LRIF1: variants seen among roughly 807,000 people sequenced by gnomAD.
The protein encoded by LRIF1 is ligand-dependent nuclear receptor-interacting factor 1.
LRIF1 carries 32 observed loss-of-function variants against 52.7 expected under a neutral mutation model. The ratio of observed to expected loss-of-function variants is 0.61; its 90% CI spans 0.46 to 0.82. The LOEUF (loss-of-function observed/expected upper bound fraction) is 0.82, where lower values mean the gene tolerates loss of function less well. LRIF1 is among the 40% of genes least tolerant of loss of function. The probability of loss-of-function intolerance (pLI) is 0.00; values close to 1 mark genes in which losing one functional copy is unlikely to be tolerated. For missense variants in LRIF1, 887 were observed against 892.0 expected (o/e 0.99, Z 0.07); for synonymous variants, 323 against 317.4 (o/e 1.02, Z -0.19).
chr1:110,951,877 G>A lies in LRIF1; in HGVS notation c.1007C>T (p.Pro336Leu). 1.9e-6 allele frequency: 3 copies of A among 1,613,756 alleles called. No individual in the cohort carries two copies. Among genetic ancestry groups the A allele is most frequent in the Non-Finnish European group, 2.5e-6 (3 of 1,179,930 alleles). Residue 336 changes from proline (P) to leucine (L), a missense_variant, in exon 2 of 4, where the codon CCA (proline) becomes CTA (leucine). Coordinates refer to ENST00000369763, the MANE Select transcript of LRIF1 (RefSeq NM_018372.4). Reference protein sequence around the residue: ...NLGDNTINMPPLSTIDPSGTR... With the variant: ...NLGDNTINMPLLSTIDPSGTR... ...CCCACTAGGATCGATGGTACTCAATGGTGGCATATTTATAGTATTATCTCC... is the reference window on the plus strand; with the variant it reads ...CCCACTAGGATCGATGGTACTCAATAGTGGCATATTTATAGTATTATCTCC...
chr1:110,928,727 G>A, the LRIF1 span, among the ~76,000 whole-genome samples: 1 of 151,960 alleles, frequency 6.6e-6, no homozygotes, highest in South Asian at 2.1e-4. Context: ...GAGTGAGGGG[G>A]AAAAAATCAA....
At chr1:110,945,886 AGTATGTT>A (rs970586109), downstream of LRIF1, among the ~76,000 whole-genome samples, 1 of 152,228 alleles carries the variant, frequency 6.6e-6, no homozygotes, top group Non-Finnish European at 1.5e-5. Context: ...TGACCTTGAC[AGTATGTT>A]TATGTGGTGT....
chr1:110,904,960 A>G, the LRIF1 span, among the ~76,000 whole-genome samples: 1 of 152,244 alleles, frequency 6.6e-6, no homozygotes, highest in Admixed American at 6.5e-5. Context: ...AAAAGAATCA[A>G]ATTCTGGAGC....
the LRIF1 span, among the ~76,000 whole-genome samples, chr1:110,883,384 C>T: frequency 4.9e-4 from 75 of 152,048 alleles, 1 homozygote; most frequent in East Asian, 0.01. Context: ...AATAACCTTG[C>T]ATTCCTGAGA....
At chr1:110,882,556 T>A in the LRIF1 span, among the ~76,000 whole-genome samples, 1 of 152,076 alleles carries the variant, frequency 6.6e-6, no homozygotes, top group East Asian at 1.9e-4. Context: ...ATTCTAAGTC[T>A]TTTGCATTCC....
the LRIF1 span, among the ~76,000 whole-genome samples, chr1:110,908,393 G>T: frequency 6.6e-6 from 1 of 152,174 alleles, no homozygotes; most frequent in Non-Finnish European, 1.5e-5. Context: ...CCCAGCCATG[G>T]TTCTCAACCA....
chr1:110,890,789 CTGT>C, the LRIF1 span, among the ~76,000 whole-genome samples: 19 of 152,332 alleles, frequency 1.2e-4, no homozygotes, highest in African/African-American at 4.6e-4. Context: ...TGCTGTAAGA[CTGT>C]TGTCTTCTGG....
chr1:110,897,743 CA>C, the LRIF1 span: 1 of 980,198 alleles, frequency 1.0e-6, no homozygotes. Flanking sequence ...CTGTATCTTC[CA>C]AATACTTCCT....
At chr1:110,918,804 T>G in the LRIF1 span, among the ~76,000 whole-genome samples, 14 of 152,228 alleles carry the variant, frequency 9.2e-5, no homozygotes, top group African/African-American at 3.1e-4. Flanking sequence ...TTACAGGAGA[T>G]CTTCTCCACA....
chr1:110,899,047 C>T, the LRIF1 span: 2 of 1,094,526 alleles, frequency 1.8e-6, no homozygotes, highest in Non-Finnish European at 2.8e-6. Flanking sequence ...TTCTTTTTCT[C>T]AGAGGCCAAT....
rs1387298558 is a variant in LRIF1 at position 110,948,259 on chromosome 1, T to A, written c.2010A>T (p.Leu670Phe). Reference protein sequence around the residue: ...VTGSQLLSSILPTSDVSQHNI... With the variant: ...VTGSQLLSSIFPTSDVSQHNI... The stretch of plus-strand genomic sequence containing the variant: ...TATGTTGTGACACATCTGAAGTTGG[T>A]AAAATACTGCTTAGGAGTTGGGAAC... Residue 670 changes from leucine to phenylalanine, a missense_variant, in exon 4 of 4, where the codon TTA becomes TTT. Physicochemically the swap from Leu to Phe is conservative, Grantham distance 22. Transcript: ENST00000369763. The A allele has an allele frequency of 6.2e-7, 1 of 1,614,158 alleles. No homozygotes were observed. Among genetic ancestry groups the A allele is most frequent in the African/African-American group, 1.3e-5 (1 of 75,056 alleles).
the LRIF1 span, chr1:110,936,745 A>G: frequency 6.6e-6 from 1 of 152,086 alleles, no homozygotes; most frequent in Non-Finnish European, 1.5e-5. Flanking sequence ...CTTATCAATA[A>G]TAACATTGAA....
the LRIF1 span, among the ~76,000 whole-genome samples, chr1:110,928,113 A>G: frequency 0.058 from 8,767 of 152,170 alleles, 294 homozygotes; most frequent in East Asian, 0.14. Flanking sequence ...GTTTTGGCGG[A>G]GTAGGTCTGA....
chr1:110,891,251 G>A, the LRIF1 span: 14 of 641,150 alleles, frequency 2.2e-5, no homozygotes, highest in South Asian at 3.7e-5. Flanking sequence ...CTAGGAAAGC[G>A]CAGAGTTTGG....
At chr1:110,891,871 T>C in the LRIF1 span, among the ~76,000 whole-genome samples, 3 of 152,240 alleles carry the variant, frequency 2.0e-5, no homozygotes, top group Non-Finnish European at 4.4e-5. Context: ...TTTCACTGTA[T>C]AAAATTCAGC....
At position 110,947,974 on chromosome 1, in the gene LRIF1, C is replaced by T; in HGVS notation, c.2295G>A (p.Lys765=). 1 of 1,573,040 alleles carries T rather than the reference C, an allele frequency of 6.4e-7. No homozygotes were observed. The highest frequency in any genetic ancestry group is 1.2e-5 in the South Asian group (1 of 83,898). ...ACAGGAGATTTTATTTTTGGTGCATCTTCTTACGCATTTCTTCAAGAGCTG... is the reference window on the plus strand; with the variant it reads ...ACAGGAGATTTTATTTTTGGTGCATTTTCTTACGCATTTCTTCAAGAGCTG... ...KEAALEEMRK[K]MHQK Residue 765 remains lysine, a synonymous_variant, in exon 4 of 4, where the codon AAG becomes AAA. Transcript: ENST00000369763.
the LRIF1 span, among the ~76,000 whole-genome samples, chr1:110,907,035 G>A: frequency 1.3e-5 from 2 of 152,154 alleles, no homozygotes; most frequent in African/African-American, 2.4e-5. Context: ...GCCCCATGCT[G>A]AGAAGTACAA....
At chr1:110,884,391 G>A in the LRIF1 span, among the ~76,000 whole-genome samples, 1 of 151,984 alleles carries the variant, frequency 6.6e-6, no homozygotes, top group African/African-American at 2.4e-5. Context: ...GTCCAGAATG[G>A]TCTATCTTGG....
chr1:110,953,335 C>T (rs1658561344), intron 1 of LRIF1, among the ~76,000 whole-genome samples: 1 of 152,158 alleles, frequency 6.6e-6, no homozygotes, highest in Non-Finnish European at 1.5e-5. Context: ...CCTTAGTTTG[C>T]CACATTTTTG....
Sources: gnomAD v4.1 joint callset for allele counts (sites outside exome capture counted in the v4.1 genomes callset) on GRCh38, gnomAD v4.1.1 for gene constraint, MANE v1.5 for transcripts, NCBI Gene and HGNC (gene_info 2026-07-23, HGNC 2026-07-21) for gene names.